The following TUBA4B variants were observed in gnomAD, a reference collection of about 807,000 sequenced individuals.
TUBA4B encodes tubulin-like protein alpha-4B.
A neutral mutation model predicts 18.4 loss-of-function variants in TUBA4B; 13 were observed. That is an observed-to-expected ratio of 0.71 (90% CI 0.46 to 1.12). The LOEUF is 1.12. Among genes scored for constraint, TUBA4B ranks in the 50% most tolerant of loss-of-function variants. TUBA4B has a pLI of 0.00. For synonymous variants in TUBA4B, 101 were observed against 99.1 expected, an observed-to-expected ratio of 1.02 and a Z score of -0.11; for missense variants, 244 against 250.0, an observed-to-expected ratio of 0.98 and a Z score of 0.16.
At chr2:219,267,453 T>G (rs1043499990) in intron 2 of TUBA4B, among the ~76,000 whole-genome samples, 1 of 152,208 alleles carries the variant, frequency 6.6e-6, no homozygotes, top group Non-Finnish European at 1.5e-5. Flanking sequence ...GGCTATGAGA[T>G]TCTTCTCTTT....
Position 219,253,358 on chromosome 2 carries a change from G to A in TUBA4B, c.-50G>A, listed in dbSNP as rs563727011. 17 of 1,528,146 alleles carry A rather than the reference G, an allele frequency of 1.1e-5. No individual in the cohort carries two copies. The highest frequency in any genetic ancestry group is 1.4e-5 in the Non-Finnish European group (16 of 1,140,956). 94.7% of individuals were successfully genotyped at this position (1,528,146 alleles called of 1,614,324 possible). A position where few individuals can be genotyped will look rare whatever the true frequency, so the allele number is the denominator to read the frequency against. ...CAGACGCGGGGTGCTGAGTCACGGG[G>A]GGGGGGTGGTTCTGTGGATAGTTGG... On this transcript the variant is annotated 5_prime_UTR_variant, in exon 1 of 4. Transcript: ENST00000490341.
At chr2:219,253,646 C>T (rs1951686599) in intron 1 of TUBA4B, among the ~76,000 whole-genome samples, 1 of 152,172 alleles carries the variant, frequency 6.6e-6, no homozygotes, top group African/African-American at 2.4e-5. Flanking sequence ...TCGCACTCCA[C>T]CCCAAGCCCC....
At chr2:219,255,485 A>G (rs545872762) in intron 1 of TUBA4B, among the ~76,000 whole-genome samples, 1 of 152,262 alleles carries the variant, frequency 6.6e-6, no homozygotes, top group South Asian at 2.1e-4. Context: ...CACCTGCTTC[A>G]GCCTCCCAAA....
In TUBA4B at chr2:219,271,159, T is replaced by G. The variant is rs1298423598; in HGVS notation, c.193-7T>G. ...GCCCCACATTTCCCCTCCCCTTCCCTGTCTAGGCTGACCAGTGCACAGGAC... is the reference window on the plus strand; with the variant it reads ...GCCCCACATTTCCCCTCCCCTTCCCGGTCTAGGCTGACCAGTGCACAGGAC... On this transcript the variant is annotated splice_polypyrimidine_tract_variant and splice_region_variant and intron_variant, in intron 3 of 3. Transcript: ENST00000490341. The G allele has an allele frequency of 1.2e-6, 1 of 862,956 alleles. No individual in the cohort carries two copies. Among genetic ancestry groups the G allele is most frequent in the Non-Finnish European group, 2.0e-6 (1 of 507,578 alleles). 53.5% of individuals were successfully genotyped at this position (862,956 alleles called of 1,614,324 possible).
At chr2:219,266,168 G>A (rs62191852) in intron 1 of TUBA4B, 41,129 of 233,806 alleles carry the variant, frequency 0.18, 3,977 homozygotes, top group South Asian at 0.25. Context: ...GGGTGGGGGC[G>A]GTGCTGGAGC....
intron 2 of TUBA4B, 108 bp from the exon 3 acceptor site, chr2:219,270,094 T>A: frequency 1.6e-6 from 1 of 639,792 alleles, no homozygotes. Context: ...ATGCAGAACC[T>A]GGGACCCGGT....
Position 219,271,934 on chromosome 2 carries a change from A to G in TUBA4B, c.*235A>G. The G allele has an allele frequency of 6.8e-7, 1 of 1,470,214 alleles. No individual in the cohort carries two copies. Among genetic ancestry groups the G allele is most frequent in the Non-Finnish European group, 9.5e-7 (1 of 1,049,368 alleles). 91.1% of individuals were successfully genotyped at this position (1,470,214 alleles called of 1,614,324 possible). A position where few individuals can be genotyped will look rare whatever the true frequency, so the allele number is the denominator to read the frequency against. On this transcript the variant is annotated 3_prime_UTR_variant, in exon 4 of 4. Transcript: ENST00000490341. Reference sequence around the variant, plus strand: ...CCATGTGCATGCTGAGCAACATGACAGCCATCACTATGGCCTGGGCCCGCC... The same window carrying G: ...CCATGTGCATGCTGAGCAACATGACGGCCATCACTATGGCCTGGGCCCGCC...
rs760542889 is a variant in TUBA4B at position 219,271,264 on chromosome 2, T to C, written c.291T>C (p.Ser97=). ...DVTSFLMEWL[S]VNYGKKSKLG... The stretch of plus-strand genomic sequence containing the variant: ...CCTCATTCCTGATGGAGTGGCTTTC[T>C]GTTAACTATGGCAAGAAATCCAAGC... Residue 97 remains serine (S), a synonymous_variant, in exon 4 of 4, where the codon TCT becomes TCC. Coordinates refer to ENST00000490341, the MANE Select transcript of TUBA4B (RefSeq NM_001355221.1). 11 of 1,443,948 alleles carry C rather than the reference T, an allele frequency of 7.6e-6. No individual in the cohort carries two copies. In the East Asian group the frequency reaches 2.5e-4, roughly 33 times the overall value. The allele number at this position is 1,443,948 out of a possible 1,614,324, so 89.4% of individuals were successfully genotyped here. A position where few individuals can be genotyped will look rare whatever the true frequency, so the allele number is the denominator to read the frequency against.
At position 219,271,817 on chromosome 2, in the gene TUBA4B, T is replaced by C; in HGVS notation, c.*118T>C. 1 of 1,596,338 alleles carries C rather than the reference T, an allele frequency of 6.3e-7. No individual in the cohort carries two copies. Among genetic ancestry groups the C allele is most frequent in the Non-Finnish European group, 8.6e-7 (1 of 1,163,762 alleles). ...ATCAAGACCAAGTGCAGCATTCAGT[T>C]TGTGGACTGGTGCCCCACAGGCTTT... On this transcript the variant is annotated 3_prime_UTR_variant, in exon 4 of 4. Coordinates refer to ENST00000490341, the MANE Select transcript of TUBA4B (RefSeq NM_001355221.1).
intron 1 of TUBA4B, among the ~76,000 whole-genome samples, chr2:219,265,391 C>T (rs977314293): frequency 1.5e-4 from 23 of 152,284 alleles, no homozygotes; most frequent in South Asian, 8.3e-4. Context: ...AATCCCAGCA[C>T]TTTGGGAGGC....
At chr2:219,254,930 G>A (rs1951704703) in intron 1 of TUBA4B, among the ~76,000 whole-genome samples, 1 of 152,198 alleles carries the variant, frequency 6.6e-6, no homozygotes. Flanking sequence ...AGCAGGATCT[G>A]CAACCCGCAC....
rs773722881 is a variant in TUBA4B, at chr2:219,270,353, G to GTT, written c.192+18_192+19insTT. 14 of 714,336 alleles carry GTT rather than the reference G, an allele frequency of 2.0e-5. 1 individual carries two copies. The highest frequency in any genetic ancestry group is 1.9e-4 in the South Asian group (13 of 68,442). The allele number at this position is 714,336 out of a possible 1,614,324, so 44.2% of individuals were successfully genotyped here. Reference sequence around the variant, plus strand: ...GGAAGCTGGTGAGGAAAGGACTGAGGGCTGGGGCAGGGGGAATGAATCTGG... The same window carrying GTT: ...GGAAGCTGGTGAGGAAAGGACTGAGGTTGCTGGGGCAGGGGGAATGAATCTGG... On this transcript the variant is annotated intron_variant, in intron 3 of 3. Coordinates refer to ENST00000490341, the MANE Select transcript of TUBA4B (RefSeq NM_001355221.1).
At position 219,253,403 on chromosome 2, in the gene TUBA4B, G is replaced by C; in HGVS notation, c.-5G>C. The C allele has an allele frequency of 6.5e-7, 1 of 1,532,116 alleles. No individual in the cohort carries two copies. Among genetic ancestry groups the C allele is most frequent in the Non-Finnish European group, 8.7e-7 (1 of 1,143,330 alleles). 94.9% of individuals were successfully genotyped at this position (1,532,116 alleles called of 1,614,324 possible). ...AGTTGGAATGCATACACAGAGGAAA[G>C]GGGGATGCGGCACCAGGTAACCTGA... On this transcript the variant is annotated 5_prime_UTR_variant, in exon 1 of 4. Coordinates refer to ENST00000490341, the MANE Select transcript of TUBA4B (RefSeq NM_001355221.1).
rs1951828798 is a variant in TUBA4B, at chr2:219,271,815, G to C, written c.*116G>C. On this transcript the variant is annotated 3_prime_UTR_variant, in exon 4 of 4. Coordinates refer to ENST00000490341, the MANE Select transcript of TUBA4B (RefSeq NM_001355221.1). ...CCATCAAGACCAAGTGCAGCATTCAGTTTGTGGACTGGTGCCCCACAGGCT... is the reference window on the plus strand; with the variant it reads ...CCATCAAGACCAAGTGCAGCATTCACTTTGTGGACTGGTGCCCCACAGGCT... 1.3e-6 allele frequency: 2 copies of C among 1,597,150 alleles called. No individual in the cohort carries two copies. Among genetic ancestry groups the C allele is most frequent in the East Asian group, 2.2e-5 (1 of 44,808 alleles).
chr2:219,255,217 A>AAC (rs1559278505), intron 1 of TUBA4B, among the ~76,000 whole-genome samples: 7 of 152,330 alleles, frequency 4.6e-5, no homozygotes, highest in Admixed American at 1.3e-4. Context: ...GCGTGCACCA[A>AAC]CACCATGCCC....
In TUBA4B at chr2:219,272,034, G is replaced by T; in HGVS notation, c.*335G>T. ...ATATGTGGGTGAGGGCATGGAGGAG[G>T]GTGAGTTCTCCAAGGCCCATGAGGA... On this transcript the variant is annotated 3_prime_UTR_variant, in exon 4 of 4. Transcript: ENST00000490341. The T allele has an allele frequency of 6.8e-7, 1 of 1,474,240 alleles. No individual in the cohort carries two copies. Among genetic ancestry groups the T allele is most frequent in the Non-Finnish European group, 9.5e-7 (1 of 1,054,408 alleles). 91.3% of individuals were successfully genotyped at this position (1,474,240 alleles called of 1,614,324 possible). A position where few individuals can be genotyped will look rare whatever the true frequency, so the allele number is the denominator to read the frequency against.
chr2:219,263,460 C>T (rs559497761), intron 1 of TUBA4B, among the ~76,000 whole-genome samples: 20 of 152,328 alleles, frequency 1.3e-4, no homozygotes, highest in African/African-American at 4.8e-4. Flanking sequence ...AAAACTCAGT[C>T]TTTTCATTCT....
At chr2:219,262,969 AG>A (rs1159570006) in intron 1 of TUBA4B, among the ~76,000 whole-genome samples, 4 of 152,070 alleles carry the variant, frequency 2.6e-5, no homozygotes, top group African/African-American at 4.8e-5. Context: ...TGAACCCGGG[AG>A]GCGGAGGTCG....
At chr2:219,263,069 G>A (rs1429852285) in intron 1 of TUBA4B, among the ~76,000 whole-genome samples, 1 of 152,112 alleles carries the variant, frequency 6.6e-6, no homozygotes, top group Non-Finnish European at 1.5e-5. Context: ...ATAAACTTTT[G>A]TGTTTATCAC....
Sources: gnomAD v4.1 joint callset for allele counts (sites outside exome capture counted in the v4.1 genomes callset) on GRCh38, gnomAD v4.1.1 for gene constraint, MANE v1.5 for transcripts, NCBI Gene and HGNC (gene_info 2026-07-23, HGNC 2026-07-21) for gene names.